The following AKAP19 variants were observed in gnomAD, a reference collection of about 807,000 sequenced individuals.
AKAP19 encodes A-kinase anchoring protein 19.
the AKAP19 span, among the ~76,000 whole-genome samples, chr2:190,169,961 G>T: frequency 1.3e-5 from 2 of 152,160 alleles, no homozygotes; most frequent in Non-Finnish European, 2.9e-5. Context: ...CTGTTAAAAT[G>T]TATTTTTGCC....
At chr2:190,189,376 G>A in the AKAP19 span, among the ~76,000 whole-genome samples, 2 of 152,192 alleles carry the variant, frequency 1.3e-5, no homozygotes, top group Non-Finnish European at 1.5e-5. Context: ...TATTTGCCAT[G>A]TGAACTCTGG....
chr2:189,889,183 T>C, the AKAP19 span, among the ~76,000 whole-genome samples: 1 of 152,188 alleles, frequency 6.6e-6, no homozygotes, highest in East Asian at 1.9e-4. Context: ...TCTGCATCTA[T>C]TGAGAAAATC....
chr2:190,165,715 G>A, the AKAP19 span, among the ~76,000 whole-genome samples: 20 of 152,178 alleles, frequency 1.3e-4, no homozygotes, highest in South Asian at 3.9e-3. Flanking sequence ...AGAATGAGGG[G>A]AGGCAATAGT....
At chr2:190,145,919 T>G in the AKAP19 span, among the ~76,000 whole-genome samples, 1 of 149,912 alleles carries the variant, frequency 6.7e-6, no homozygotes. Context: ...CAAAGGTAAA[T>G]GCATCTGAAA....
the AKAP19 span, among the ~76,000 whole-genome samples, chr2:190,070,524 T>G: frequency 6.6e-6 from 1 of 151,910 alleles, no homozygotes; most frequent in African/African-American, 2.4e-5. Context: ...AGAACTACAT[T>G]ACTTCTGCTG....
the AKAP19 span, among the ~76,000 whole-genome samples, chr2:189,972,047 G>T: frequency 1.3e-5 from 2 of 152,260 alleles, no homozygotes; most frequent in East Asian, 1.9e-4. Context: ...TTGACATGAA[G>T]TCCTTGCCCA....
At chr2:190,056,097 T>A in the AKAP19 span, 1 of 152,398 alleles carries the variant, frequency 6.6e-6, no homozygotes, top group Non-Finnish European at 1.5e-5. Flanking sequence ...AAAATGATTG[T>A]AATATAACCA....
the AKAP19 span, among the ~76,000 whole-genome samples, chr2:189,956,463 C>G: frequency 6.6e-6 from 1 of 152,054 alleles, no homozygotes; most frequent in Non-Finnish European, 1.5e-5. Context: ...GCCACCGCAC[C>G]CGGCCTACTA....
the AKAP19 span, among the ~76,000 whole-genome samples, chr2:190,143,752 C>T: frequency 6.6e-6 from 1 of 151,048 alleles, no homozygotes; most frequent in Admixed American, 6.6e-5. Context: ...TTCACAATAG[C>T]AAAGACTTGG....
At chr2:190,089,275 C>T in the AKAP19 span, among the ~76,000 whole-genome samples, 57,372 of 151,776 alleles carry the variant, frequency 0.38, 13,036 homozygotes, top group East Asian at 0.67. Flanking sequence ...TTTATTTTTA[C>T]GCTGAAATTG....
At chr2:189,967,952 G>T in the AKAP19 span, among the ~76,000 whole-genome samples, 1 of 152,110 alleles carries the variant, frequency 6.6e-6, no homozygotes, top group East Asian at 1.9e-4. Context: ...ATAAGTTGGA[G>T]GAAGCAAATG....
chr2:189,930,864 A>G, the AKAP19 span: 9 of 738,116 alleles, frequency 1.2e-5, no homozygotes, highest in East Asian at 7.7e-5. Flanking sequence ...TAGGTGTTGG[A>G]TGGTAGACTG....
the AKAP19 span, among the ~76,000 whole-genome samples, chr2:189,910,747 G>A: frequency 6.6e-6 from 1 of 151,828 alleles, no homozygotes; most frequent in African/African-American, 2.4e-5. Context: ...CTCAATGAAC[G>A]CAACGACACA....
chr2:190,051,822 T>TTTATTTATTTA, the AKAP19 span, among the ~76,000 whole-genome samples: 1 of 149,548 alleles, frequency 6.7e-6, no homozygotes, highest in Non-Finnish European at 1.5e-5. Context: ...TTTTTTTATT[T>TTTATTTATTTA]TTTATTTATT....
chr2:190,037,613 A>C, the AKAP19 span, among the ~76,000 whole-genome samples: 1 of 152,214 alleles, frequency 6.6e-6, no homozygotes, highest in Admixed American at 6.5e-5. Context: ...AAAAGGACTA[A>C]GAAAACCACT....
At chr2:190,200,410 C>A in the AKAP19 span, 1 of 366,784 alleles carries the variant, frequency 2.7e-6, no homozygotes, top group Non-Finnish European at 5.2e-6. Flanking sequence ...CTGAATGTCA[C>A]AGCACTTCTT....
the AKAP19 span, among the ~76,000 whole-genome samples, chr2:189,990,302 T>C: frequency 6.6e-6 from 1 of 152,208 alleles, no homozygotes; most frequent in Non-Finnish European, 1.5e-5. Context: ...ACTTTCTTTA[T>C]TTCTGATCAA....
At chr2:190,024,374 G>GTA in the AKAP19 span, among the ~76,000 whole-genome samples, 1 of 144,232 alleles carries the variant, frequency 6.9e-6, no homozygotes, top group Non-Finnish European at 1.5e-5. Flanking sequence ...ACATATATAT[G>GTA]TGTGTGTATA....
chr2:189,902,581 A>G, the AKAP19 span, among the ~76,000 whole-genome samples: 1 of 152,022 alleles, frequency 6.6e-6, no homozygotes, highest in East Asian at 1.9e-4. Context: ...TGGATTCAGT[A>G]TGTCAACTGG....
Sources: gnomAD v4.1 joint callset for allele counts (sites outside exome capture counted in the v4.1 genomes callset) on GRCh38, gnomAD v4.1.1 for gene constraint, MANE v1.5 for transcripts, NCBI Gene and HGNC (gene_info 2026-07-23, HGNC 2026-07-21) for gene names.